Variants in GPAM observed in about 807,000 individuals in gnomAD.
GPAM encodes the protein glycerol-3-phosphate acyltransferase, mitochondrial, also known as glycerol-3-phosphate acyltransferase 1, mitochondrial.
GPAM carries 56 observed loss-of-function variants against 105.0 expected under a neutral mutation model. The ratio of observed to expected loss-of-function variants is 0.53; its 90% CI spans 0.43 to 0.67. The LOEUF (loss-of-function observed/expected upper bound fraction) is 0.67. GPAM is among the 30% of genes least tolerant of loss of function. The probability of loss-of-function intolerance (pLI) is 0.00; values close to 1 mark genes in which losing one functional copy is unlikely to be tolerated. For missense variants in GPAM, 855 were observed against 989.8 expected (o/e 0.86, Z 1.83); for synonymous variants, 368 against 354.4 (o/e 1.04, Z -0.43).
rs775554777 is a variant in GPAM at position 112,157,261 on chromosome 10, A to C, written c.2109T>G (p.Asp703Glu). ...EDSDFGEEQR[D>E]CYLKVSQSKE... ...TTCACCCAAGTACCTTCAGGTAGCA[A>C]TCTCGCTGTTCCTCCCCAAAGTCAC... is the stretch of plus-strand genomic sequence containing the variant. The change falls in exon 19 of 22, where the codon GAT becomes GAG. Residue 703 changes from aspartate (D) to glutamate (E), a missense_variant. Physicochemically the swap from Asp to Glu is conservative, Grantham distance 45 (BLOSUM62 2). Transcript: ENST00000348367. The C allele has an allele frequency of 3.1e-6, 5 of 1,613,888 alleles. No individual in the cohort carries two copies. Among genetic ancestry groups the C allele is most frequent in the Non-Finnish European group, 4.2e-6 (5 of 1,179,758 alleles).
chr10:112,188,658 C>T (rs60565462), upstream of GPAM, among the ~76,000 whole-genome samples: 16,650 of 152,172 alleles, frequency 0.11, 1,028 homozygotes, highest in South Asian at 0.2. Context: ...ACATGTACCT[C>T]TGTGTACATT....
In GPAM at chr10:112,173,336, A is replaced by T. The variant is rs117022616; in HGVS notation, c.561-270T>A. On this transcript the variant is annotated intron_variant, in intron 7 of 21. Coordinates refer to ENST00000348367, the MANE Select transcript of GPAM (RefSeq NM_001244949.2). ...ACTCTAATAACATTTTATACTGCAG[A>T]AGCAAATGACCAAGGCGAATGAATA... Among the ~76,000 whole-genome samples the T allele has an allele frequency of 2.4e-4, 36 of 152,312 alleles. 1 individual carries two copies. The East Asian group carries it at 6.8e-3, about 29-fold the overall frequency.
chr10:112,200,195 T>C (rs1455231826), intron 1 of GPAM, among the ~76,000 whole-genome samples: 28 of 123,348 alleles, frequency 2.3e-4, no homozygotes, highest in African/African-American at 1.2e-3. Context: ...TATATATATA[T>C]ATATATATAT....
chr10:112,180,383 G>A (rs892903176), intron 4 of GPAM, 90 bp downstream of exon 4: 2 of 1,233,730 alleles, frequency 1.6e-6, no homozygotes, highest in Non-Finnish European at 2.4e-6. Context: ...TGTTCTGAAA[G>A]TGAATTTAGT....
At chr10:112,219,590 A>C (rs1246495465), upstream of GPAM, among the ~76,000 whole-genome samples, 1 of 151,924 alleles carries the variant, frequency 6.6e-6, no homozygotes, top group East Asian at 1.9e-4. Context: ...TCATGCTCCC[A>C]CTCCTAAGAG....
upstream of GPAM, among the ~76,000 whole-genome samples, chr10:112,188,541 T>C (rs1377643472): frequency 6.6e-6 from 1 of 152,202 alleles, no homozygotes; most frequent in Non-Finnish European, 1.5e-5. Flanking sequence ...TCCCTCTCTA[T>C]GATTTTGTTC....
chr10:112,227,627 G>T, the GPAM span, among the ~76,000 whole-genome samples: 5 of 152,230 alleles, frequency 3.3e-5, no homozygotes, highest in Admixed American at 2.6e-4. Flanking sequence ...GCGAAAGAGG[G>T]CATGAGCTGA....
At chr10:112,198,708 G>C (rs568832632) in intron 1 of GPAM, among the ~76,000 whole-genome samples, 1 of 152,274 alleles carries the variant, frequency 6.6e-6, no homozygotes, top group South Asian at 2.1e-4. Context: ...CTGTATTAAA[G>C]AGAGATTTGT....
At chr10:112,172,538 A>G (rs925698844) in intron 8 of GPAM, among the ~76,000 whole-genome samples, 1 of 152,206 alleles carries the variant, frequency 6.6e-6, no homozygotes, top group Non-Finnish European at 1.5e-5. Flanking sequence ...GAAGAAGAGC[A>G]ATCAAGAGTT....
Position 112,189,455 on chromosome 10 carries a change from C to T in GPAM, n.211-6564G>A, listed in dbSNP as rs563582758. Among the ~76,000 whole-genome samples, 5 of 152,266 alleles carry T rather than the reference C, an allele frequency of 3.3e-5. No individual in the cohort carries two copies. The East Asian group carries it at 9.7e-4, about 29-fold the overall frequency. ...CAGCATCAAGTTCATTGACTTGTGG[C>T]TTCCAGAATTCACTTCCCTACTTCC... On this transcript the variant is annotated intron_variant and non_coding_transcript_variant, in intron 1 of 3. Transcript: ENST00000480130.
chr10:112,184,708 G>A (rs983732051), upstream of GPAM, among the ~76,000 whole-genome samples: 4 of 152,192 alleles, frequency 2.6e-5, no homozygotes, highest in African/African-American at 9.7e-5. Flanking sequence ...ACTAACTAGA[G>A]GGAGCAGCCA....
At chr10:112,180,092 T>C (rs1464547963) in intron 4 of GPAM, among the ~76,000 whole-genome samples, 1 of 152,222 alleles carries the variant, frequency 6.6e-6, no homozygotes, top group African/African-American at 2.4e-5. Context: ...CAGCTTTAAC[T>C]TCTTATTCTG....
At position 112,168,348 on chromosome 10, in the gene GPAM, A is replaced by T. The variant is rs1289474619; in HGVS notation, c.1071T>A (p.Asp357Glu). ...CATTGTAGTGACCTTCGATAATGCG[A>T]TCATAGGAGATTCCAACAGGTATTA... is the stretch of plus-strand genomic sequence containing the variant. ...ILIIPVGISY[D>E]RIIEGHYNGE... Residue 357 changes from aspartate to glutamate, a missense_variant, in exon 11 of 22, where the codon GAT becomes GAA. Transcript: ENST00000348367. The T allele has an allele frequency of 1.9e-6, 3 of 1,609,634 alleles. No individual in the cohort carries two copies. In the Admixed American group the frequency reaches 5.0e-5, roughly 27 times the overall value.
At chr10:112,221,246 C>T in the GPAM span, among the ~76,000 whole-genome samples, 1 of 152,144 alleles carries the variant, frequency 6.6e-6, no homozygotes, top group Non-Finnish European at 1.5e-5. Flanking sequence ...GTTTTTGCCC[C>T]TTAATGTGGA....
chr10:112,154,658 T>C lies in GPAM; in HGVS notation c.2341A>G (p.Asn781Asp), dbSNP rs906571226. The C allele has an allele frequency of 1.2e-6, 2 of 1,609,736 alleles. No homozygotes were observed. The highest frequency in any genetic ancestry group is 1.7e-6 in the Non-Finnish European group (2 of 1,176,042). Residue 781 changes from asparagine to aspartate, a missense_variant, in exon 21 of 22, where the codon AAT becomes GAT. Asn to Asp is a conservative substitution (Grantham distance 23). Transcript: ENST00000348367. Reference sequence around the variant, plus strand: ...ATATCCTTAAACATTTTCACAGCATTCTTCACAAGACAATATGTGGCACTC... The same window carrying C: ...ATATCCTTAAACATTTTCACAGCATCCTTCACAAGACAATATGTGGCACTC... ...AESATYCLVKNAVKMFKDIGV... is the reference protein window; with the variant it reads ...AESATYCLVKDAVKMFKDIGV...
chr10:112,185,435 A>C (rs1847580665), upstream of GPAM, among the ~76,000 whole-genome samples: 3 of 151,984 alleles, frequency 2.0e-5, no homozygotes, highest in Non-Finnish European at 4.4e-5. Flanking sequence ...CAATGTTTTC[A>C]ACAAGTAGAA....
Position 112,150,728 on chromosome 10 carries a change from T to TA in GPAM, c.*2821dup. 1 of 980,600 alleles carries TA rather than the reference T, an allele frequency of 1.0e-6. No homozygotes were observed. Among genetic ancestry groups the TA allele is most frequent in the Non-Finnish European group, 1.2e-6 (1 of 825,494 alleles). 60.7% of individuals were successfully genotyped at this position (980,600 alleles called of 1,614,324 possible). Reference sequence around the variant, plus strand: ...GCCCTTACTGCGCTAAAGTGCATTGTAAGTTTCCAGGTGCAAACTTGGTTT... The same window carrying TA: ...GCCCTTACTGCGCTAAAGTGCATTGTAAAGTTTCCAGGTGCAAACTTGGTTT... On this transcript the variant is annotated 3_prime_UTR_variant, in exon 22 of 22. Coordinates refer to ENST00000348367, the MANE Select transcript of GPAM (RefSeq NM_001244949.2).
chr10:112,208,848 C>T (rs955589576), intron 1 of GPAM, among the ~76,000 whole-genome samples: 2 of 152,136 alleles, frequency 1.3e-5, no homozygotes, highest in African/African-American at 2.4e-5. Flanking sequence ...ACTCTCAAAA[C>T]GAAGGGAAGT....
At chr10:112,195,511 C>T (rs892075619) in intron 1 of GPAM, among the ~76,000 whole-genome samples, 1 of 152,204 alleles carries the variant, frequency 6.6e-6, no homozygotes, top group African/African-American at 2.4e-5. Flanking sequence ...CTTCATAACA[C>T]AGCTCAAGTC....
Sources: gnomAD v4.1 joint callset for allele counts (sites outside exome capture counted in the v4.1 genomes callset) on GRCh38, gnomAD v4.1.1 for gene constraint, MANE v1.5 for transcripts, NCBI Gene and HGNC (gene_info 2026-07-23, HGNC 2026-07-21) for gene names.